NHSL1: variants seen among roughly 807,000 people sequenced by gnomAD.
The protein encoded by NHSL1 is NHS-like protein 1.
In NHSL1, 48 loss-of-function variants were observed where a neutral mutation model predicts 95.0. The observed-to-expected ratio is 0.51, with a 90% CI of 0.40 to 0.64. NHSL1 has a LOEUF of 0.64. Among genes scored for constraint, NHSL1 ranks in the 30% least tolerant of loss-of-function variants. NHSL1 has a pLI of 0.00. For missense variants in NHSL1, 1,971 were observed against 2,077.7 expected (o/e 0.95, Z 1.00); for synonymous variants, 783 against 833.9 (o/e 0.94, Z 1.05).
rs1439027427 is a variant in NHSL1, at chr6:138,432,727, T to C, written c.1618A>G (p.Ser540Gly). The C allele has an allele frequency of 1.9e-6, 3 of 1,551,486 alleles. No homozygotes were observed. The South Asian group carries it at 3.6e-5, about 18-fold the overall frequency. Residue 540 changes from serine to glycine, a missense_variant, in exon 6 of 8, where the codon AGT (serine) becomes GGT (glycine). This residue lies in a region of NHSL1 where 1,602 missense variants were observed against 1,654.5 expected (regional missense o/e 0.97). Coordinates refer to ENST00000343505, the MANE Select transcript of NHSL1 (RefSeq NM_001144060.2). The surrounding 1 kb of genome is among the most constrained non-coding windows in gnomAD (Gnocchi z 4.4). ...CTGTGCCCTCCGCCCCCTGAATAACTAGATTCACTCTTGCCATCCACATCT... is the reference window on the plus strand; with the variant it reads ...CTGTGCCCTCCGCCCCCTGAATAACCAGATTCACTCTTGCCATCCACATCT... ...PQDVDGKSES[S>G]YSGGGGHSSS...
At chr6:138,539,316 G>C (rs186515854) in intron 1 of NHSL1, among the ~76,000 whole-genome samples, 1 of 152,130 alleles carries the variant, frequency 6.6e-6, no homozygotes, top group African/African-American at 2.4e-5. Context: ...AAGACCCTCA[G>C]GTTGTTTTCA....
chr6:138,581,999 C>G (rs1039535656), intron 1 of NHSL1, among the ~76,000 whole-genome samples: 1 of 150,388 alleles, frequency 6.6e-6, no homozygotes, highest in Non-Finnish European at 1.5e-5. Flanking sequence ...CAAGTTCAAG[C>G]GATTCTCGAG....
upstream of NHSL1, chr6:138,572,606 C>T (rs1783881432): frequency 1.3e-5 from 2 of 152,240 alleles, no homozygotes; most frequent in African/African-American, 2.4e-5. Flanking sequence ...GATTACAGAG[C>T]AAGCACTCCT....
At chr6:138,522,064 G>A (rs1781706321) in intron 1 of NHSL1, among the ~76,000 whole-genome samples, 1 of 152,178 alleles carries the variant, frequency 6.6e-6, no homozygotes, top group East Asian at 1.9e-4. Flanking sequence ...TGAGCATTGC[G>A]TCTGGCCACG....
chr6:138,458,007 G>GAAAAAAAAAA (rs554103437), intron 3 of NHSL1, among the ~76,000 whole-genome samples: 1 of 96,754 alleles, frequency 1.0e-5, no homozygotes, highest in Non-Finnish European at 2.2e-5. Flanking sequence ...AACTCCAACT[G>GAAAAAAAAAA]AAAAAAAAAA....
chr6:138,509,984 G>A (rs1032460234), intron 1 of NHSL1, among the ~76,000 whole-genome samples: 6 of 152,194 alleles, frequency 3.9e-5, no homozygotes, highest in African/African-American at 1.2e-4. Flanking sequence ...CATTTGGACT[G>A]ATGAAGATTC....
At position 138,424,229 on chromosome 6, in the gene NHSL1, T is replaced by G. The variant is rs951996715; in HGVS notation, c.4673A>C (p.Glu1558Ala). 4 of 1,506,528 alleles carry G rather than the reference T, an allele frequency of 2.7e-6. No homozygotes were observed. The highest frequency in any genetic ancestry group is 2.6e-5 in the South Asian group (2 of 77,980). The allele number at this position is 1,506,528 out of a possible 1,614,324, so 93.3% of individuals were successfully genotyped here. The change falls in exon 8 of 8, where the codon GAG (glutamate) becomes GCG (alanine). Residue 1558 changes from glutamate (E) to alanine (A), a missense_variant. By Grantham distance (107) the Glu-to-Ala change is moderately radical (BLOSUM62 -1). Around this residue, in one of 3 missense-constraint regions of NHSL1, gnomAD observed 223 missense variants for 217.0 expected, o/e 1.03. Coordinates refer to ENST00000343505, the MANE Select transcript of NHSL1 (RefSeq NM_001144060.2). This position sits in a 1 kb window ranked among gnomAD's most constrained non-coding sequence, Gnocchi z 5.9. ...GAGCAGGCCGCCCTCGTCCATCTCC[T>G]CCCTCGCCAGTCCGTCCAGGGAACA... ...EGCSLDGLAREEMDEGGLLCG... is the reference protein window; with the variant it reads ...EGCSLDGLARAEMDEGGLLCG...
chr6:138,495,713 C>T (rs763014230), intron 2 of NHSL1, among the ~76,000 whole-genome samples: 44 of 152,208 alleles, frequency 2.9e-4, no homozygotes, highest in Admixed American at 5.9e-4. Flanking sequence ...GTGTATTATC[C>T]CATTTTCACA....
chr6:138,568,536 C>T (rs1222659935), intron 1 of NHSL1, among the ~76,000 whole-genome samples: 1 of 152,178 alleles, frequency 6.6e-6, no homozygotes, highest in African/African-American at 2.4e-5. Flanking sequence ...TCATATCATA[C>T]TAGGAATATA....
At chr6:138,425,813 C>A (rs1319329173) in intron 7 of NHSL1, among the ~76,000 whole-genome samples, 1 of 151,898 alleles carries the variant, frequency 6.6e-6, no homozygotes, top group African/African-American at 2.4e-5. Flanking sequence ...CTTCCAGGAC[C>A]ATGTGCCAAC....
chr6:138,494,067 A>G (rs768965474), intron 2 of NHSL1, among the ~76,000 whole-genome samples: 2 of 152,234 alleles, frequency 1.3e-5, no homozygotes, highest in Non-Finnish European at 2.9e-5. Context: ...GATTAAAGGA[A>G]CAAAAAATAG....
At chr6:138,619,093 T>C (rs111358782) in intron 1 of NHSL1, among the ~76,000 whole-genome samples, 1 of 152,248 alleles carries the variant, frequency 6.6e-6, no homozygotes, top group African/African-American at 2.4e-5. Context: ...ATCCCAGCAC[T>C]CTGGAAGGCC....
chr6:138,432,714 C>T lies in NHSL1; in HGVS notation c.1631G>A (p.Gly544Asp). The change falls in exon 6 of 8, where the codon GGC becomes GAC. Residue 544 changes from glycine (G) to aspartate (D), a missense_variant. By Grantham distance (94) the Gly-to-Asp change is moderately conservative. Coordinates refer to ENST00000343505, the MANE Select transcript of NHSL1 (RefSeq NM_001144060.2). This position sits in a 1 kb window ranked among gnomAD's most constrained non-coding sequence, Gnocchi z 4.4. ...GGGCTCCGAGCTGCTGTGCCCTCCG[C>T]CCCCTGAATAACTAGATTCACTCTT... ...DGKSESSYSGGGGHSSSEPWE... is the reference protein window; with the variant it reads ...DGKSESSYSGDGGHSSSEPWE... The T allele has an allele frequency of 6.4e-7, 1 of 1,551,532 alleles. No homozygotes were observed.
chr6:138,594,710 C>T (rs1018601381), intron 1 of NHSL1, among the ~76,000 whole-genome samples: 6 of 151,912 alleles, frequency 3.9e-5, no homozygotes, highest in Non-Finnish European at 8.8e-5. Flanking sequence ...AAATTGAGCA[C>T]GTTGACACTG....
chr6:138,588,609 C>G (rs1424137828), intron 1 of NHSL1, among the ~76,000 whole-genome samples: 3 of 152,212 alleles, frequency 2.0e-5, no homozygotes, highest in African/African-American at 4.8e-5. Context: ...CTTGAATCAC[C>G]AGAATCATCT....
chr6:138,472,907 A>G (rs985263919), intron 3 of NHSL1, among the ~76,000 whole-genome samples: 2 of 152,238 alleles, frequency 1.3e-5, no homozygotes, highest in African/African-American at 4.8e-5. Flanking sequence ...TCTTTGTCAT[A>G]CAACTGAGTC....
At chr6:138,561,602 T>A (rs996451498) in intron 1 of NHSL1, among the ~76,000 whole-genome samples, 3 of 152,196 alleles carry the variant, frequency 2.0e-5, no homozygotes, top group African/African-American at 7.2e-5. Context: ...CTCTCCTCAG[T>A]GTGAGTTACT....
chr6:138,683,408 C>T (rs963061298), intron 1 of NHSL1, among the ~76,000 whole-genome samples: 1 of 152,186 alleles, frequency 6.6e-6, no homozygotes, highest in Non-Finnish European at 1.5e-5. Flanking sequence ...ACTCAGCCTT[C>T]AATGTCACCA....
intron 1 of NHSL1, among the ~76,000 whole-genome samples, chr6:138,599,904 G>A (rs966762386): frequency 1.1e-4 from 17 of 152,138 alleles, no homozygotes; most frequent in Non-Finnish European, 4.4e-5. Context: ...CACTTTGAGA[G>A]GCCGAGGCGG....
Sources: gnomAD v4.1 joint callset for allele counts (sites outside exome capture counted in the v4.1 genomes callset) on GRCh38, gnomAD v4.1.1 for gene constraint, gnomAD v4.1.1 regional missense constraint, Gnocchi (gnomAD v3.1) non-coding constraint, MANE v1.5 for transcripts, NCBI Gene and HGNC (gene_info 2026-07-23, HGNC 2026-07-21) for gene names.